The following PARVA variants were observed in gnomAD, a reference collection of about 807,000 sequenced individuals.
The protein encoded by PARVA is alpha-parvin.
A neutral mutation model predicts 52.6 loss-of-function variants in PARVA; 25 were observed. The observed-to-expected ratio is 0.48, with a 90% CI of 0.35 to 0.66. PARVA has a LOEUF of 0.66. PARVA is among the 30% of genes least tolerant of loss of function. The pLI, the probability that PARVA is intolerant of heterozygous loss-of-function variation, is 0.01. For missense variants in PARVA, 373 were observed against 450.9 expected, an observed-to-expected ratio of 0.83 and a Z score of 1.56; for synonymous variants, 185 against 179.1, an observed-to-expected ratio of 1.03 and a Z score of -0.26.
intron 4 of PARVA, among the ~76,000 whole-genome samples, chr11:12,488,474 T>A (rs1011996554): frequency 6.6e-6 from 1 of 152,210 alleles, no homozygotes; most frequent in East Asian, 1.9e-4. Flanking sequence ...TCATTCCTAA[T>A]GGCCTATAGC....
At chr11:12,517,733 G>C in intron 11 of PARVA, 22 bp downstream of exon 11, 1 of 1,518,912 alleles carries the variant, frequency 6.6e-7, no homozygotes, top group Non-Finnish European at 9.0e-7. Flanking sequence ...GGACATCAAG[G>C]GAGGCCCCCT....
rs1301555432 is a variant in PARVA, at chr11:12,532,181, C to T, written c.*4256C>T. On this transcript the variant is annotated 3_prime_UTR_variant, in exon 13 of 13. Coordinates refer to ENST00000334956, the MANE Select transcript of PARVA (RefSeq NM_018222.5). ...AAACCAAGCCTGATGACCTTGAGAA[C>T]CTCAGGCTTCCCAGTAGGATCCTGC... 6.6e-6 allele frequency among the ~76,000 whole-genome samples: 1 copy of T among 152,108 alleles called. No homozygotes were observed. The highest frequency in any genetic ancestry group is 2.4e-5 in the African/African-American group (1 of 41,404).
intron 1 of PARVA, among the ~76,000 whole-genome samples, chr11:12,429,448 T>C (rs1940284238): frequency 4.6e-5 from 7 of 152,196 alleles, no homozygotes; most frequent in Admixed American, 4.6e-4. Flanking sequence ...ATAAGTTAAT[T>C]ATAAACTTCA....
chr11:12,427,672 C>T (rs1940257952), intron 1 of PARVA, among the ~76,000 whole-genome samples: 1 of 152,146 alleles, frequency 6.6e-6, no homozygotes, highest in Admixed American at 6.5e-5. Flanking sequence ...AAACTTTTGT[C>T]TTATGGGTCA....
chr11:12,522,252 A>T (rs768342778), intron 12 of PARVA, among the ~76,000 whole-genome samples: 2 of 152,154 alleles, frequency 1.3e-5, no homozygotes, highest in Non-Finnish European at 2.9e-5. Context: ...ACAATAAAAA[A>T]GACTGAACTG....
Position 12,530,108 on chromosome 11 carries a change from T to C in PARVA, c.*2183T>C, listed in dbSNP as rs1476961233. The C allele has an allele frequency of 1.3e-5, 2 of 152,150 alleles. No homozygotes were observed. The highest frequency in any genetic ancestry group is 4.8e-5 in the African/African-American group (2 of 41,438). The allele number at this position is 152,150 out of a possible 1,614,324, so 9.4% of individuals were successfully genotyped here. A position where few individuals can be genotyped will look rare whatever the true frequency, so the allele number is the denominator to read the frequency against. ...AATGTACAAGTATCCTTACTAAGAGTGCTCCTTTTGTATTTTACATATATA... is the reference window on the plus strand; with the variant it reads ...AATGTACAAGTATCCTTACTAAGAGCGCTCCTTTTGTATTTTACATATATA... On this transcript the variant is annotated 3_prime_UTR_variant, in exon 13 of 13. Transcript: ENST00000334956.
chr11:12,441,476 G>C (rs770424029), intron 1 of PARVA, among the ~76,000 whole-genome samples: 1 of 152,090 alleles, frequency 6.6e-6, no homozygotes, highest in Non-Finnish European at 1.5e-5. Flanking sequence ...ATACATTCGG[G>C]GGTAATTGGC....
rs1430395667 is a variant in PARVA, at chr11:12,532,097, G to A, written c.*4172G>A. Among the ~76,000 whole-genome samples the A allele has an allele frequency of 6.6e-6, 1 of 152,148 alleles. No individual in the cohort carries two copies. The highest frequency in any genetic ancestry group is 1.5e-5 in the Non-Finnish European group (1 of 68,042). On this transcript the variant is annotated 3_prime_UTR_variant, in exon 13 of 13. Transcript: ENST00000334956. Reference sequence around the variant, plus strand: ...CAGTGGTGGTCGCATATGTGAACGTGTGCATGCGTGTTCACGTGTTCATGA... The same window carrying A: ...CAGTGGTGGTCGCATATGTGAACGTATGCATGCGTGTTCACGTGTTCATGA...
intron 1 of PARVA, among the ~76,000 whole-genome samples, chr11:12,393,044 G>GGAAAAAA (rs778558238): frequency 2.2e-5 from 1 of 46,130 alleles, no homozygotes; most frequent in African/African-American, 5.9e-5. Context: ...CCCAAATTGT[G>GGAAAAAA]AAAAAAAAAA....
At chr11:12,396,087 A>G (rs990957427) in intron 1 of PARVA, among the ~76,000 whole-genome samples, 3 of 152,194 alleles carry the variant, frequency 2.0e-5, no homozygotes, top group Non-Finnish European at 2.9e-5. Context: ...TAATCCTTAC[A>G]GGAACCCTGG....
chr11:12,413,223 G>T (rs1035891069), intron 1 of PARVA, among the ~76,000 whole-genome samples: 3 of 152,174 alleles, frequency 2.0e-5, no homozygotes, highest in Admixed American at 6.5e-5. Flanking sequence ...CGGGAACATT[G>T]CATGATTTGT....
At chr11:12,501,052 G>A (rs1941357108) in intron 5 of PARVA, among the ~76,000 whole-genome samples, 1 of 151,094 alleles carries the variant, frequency 6.6e-6, no homozygotes, top group South Asian at 2.1e-4. Context: ...TGTTTGCAGT[G>A]AGACGAGATC....
chr11:12,459,947 G>T (rs1940754254), intron 1 of PARVA, among the ~76,000 whole-genome samples: 2 of 152,060 alleles, frequency 1.3e-5, no homozygotes, highest in Admixed American at 1.3e-4. Flanking sequence ...TTTTTAATCT[G>T]TCCTTGCAGG....
Position 12,496,509 on chromosome 11 carries a change from T to C in PARVA, c.452T>C (p.Ile151Thr). 2 of 1,609,524 alleles carry C rather than the reference T, an allele frequency of 1.2e-6. No individual in the cohort carries two copies. Among genetic ancestry groups the C allele is most frequent in the Non-Finnish European group, 1.7e-6 (2 of 1,178,032 alleles). The change falls in exon 5 of 13, where the codon ATT (isoleucine) becomes ACT (threonine). Residue 151 changes from isoleucine (I) to threonine (T), a missense_variant. Ile to Thr is a moderately conservative substitution (Grantham distance 89). Transcript: ENST00000334956. ...LNVAEVTQSE[I>T]AQKQKLQTVL... ...GTGGCTGAGGTCACCCAGTCAGAGATTGCTCAGAAGCAAAAACTGCAGACT... is the reference window on the plus strand; with the variant it reads ...GTGGCTGAGGTCACCCAGTCAGAGACTGCTCAGAAGCAAAAACTGCAGACT...
rs1589932907 is a variant in PARVA at position 12,377,605 on chromosome 11, C to T, written c.-43C>T. ...GCCGCCCGCTGCGTCCGCCCAGCGC[C>T]AGCTCCGCGTCCCGACCGGCCCGCG... On this transcript the variant is annotated 5_prime_UTR_variant, in exon 1 of 13. Coordinates refer to ENST00000334956, the MANE Select transcript of PARVA (RefSeq NM_018222.5). 1.3e-6 allele frequency: 2 copies of T among 1,535,906 alleles called. No individual in the cohort carries two copies. Among genetic ancestry groups the T allele is most frequent in the African/African-American group, 2.9e-5 (2 of 69,448 alleles).
At chr11:12,416,229 G>T (rs1344406617) in intron 1 of PARVA, among the ~76,000 whole-genome samples, 1 of 152,170 alleles carries the variant, frequency 6.6e-6, no homozygotes, top group Non-Finnish European at 1.5e-5. Flanking sequence ...TAGAGCATGT[G>T]TTTCACATTA....
chr11:12,487,171 G>A (rs1423728327), intron 4 of PARVA, among the ~76,000 whole-genome samples: 1 of 152,144 alleles, frequency 6.6e-6, no homozygotes, highest in Admixed American at 6.5e-5. Flanking sequence ...TCTATGTGGT[G>A]GATGTTGAAC....
chr11:12,437,992 G>C (rs909664249), intron 1 of PARVA, among the ~76,000 whole-genome samples: 6 of 152,176 alleles, frequency 3.9e-5, no homozygotes, highest in African/African-American at 1.4e-4. Flanking sequence ...CGGGCGCAGT[G>C]GCTTACGTCT....
At chr11:12,383,313 A>G (rs1234768210) in intron 1 of PARVA, among the ~76,000 whole-genome samples, 1 of 152,166 alleles carries the variant, frequency 6.6e-6, no homozygotes, top group Non-Finnish European at 1.5e-5. Flanking sequence ...ACTGTCCTCA[A>G]GACGTGCTCT....
Sources: gnomAD v4.1 joint callset for allele counts (sites outside exome capture counted in the v4.1 genomes callset) on GRCh38, gnomAD v4.1.1 for gene constraint, MANE v1.5 for transcripts, NCBI Gene and HGNC (gene_info 2026-07-23, HGNC 2026-07-21) for gene names.